Variants in NSMAF observed in about 807,000 individuals in gnomAD.
NSMAF encodes neutral sphingomyelinase activation associated factor, also known as protein FAN.
NSMAF carries 90 observed loss-of-function variants against 134.9 expected under a neutral mutation model. The ratio of observed to expected loss-of-function variants is 0.67; its 90% confidence interval spans 0.56 to 0.79. The LOEUF (loss-of-function observed/expected upper bound fraction) is 0.79, where lower values mean the gene tolerates loss of function less well. NSMAF is among the 30% of genes least tolerant of loss of function. The probability of loss-of-function intolerance (pLI) is 0.00; values close to 1 mark genes in which losing one functional copy is unlikely to be tolerated. For missense variants in NSMAF, 1,010 were observed against 1,119.0 expected (o/e 0.90, Z 1.39); for synonymous variants, 358 against 389.6 (o/e 0.92, Z 0.96).
At chr8:58,618,640 G>A (rs1312149344) in intron 9 of NSMAF, among the ~76,000 whole-genome samples, 1 of 151,998 alleles carries the variant, frequency 6.6e-6, no homozygotes, top group Non-Finnish European at 1.5e-5. Context: ...AACAATGTGA[G>A]TAGGAGCAGG....
At chr8:58,603,100 G>C in intron 13 of NSMAF, 110 bp downstream of exon 13, 1 of 1,059,374 alleles carries the variant, frequency 9.4e-7, no homozygotes, top group Non-Finnish European at 1.4e-6. Context: ...GTTGTAATTT[G>C]TTCACATGTC....
rs761727034 is a variant in NSMAF at position 58,621,479 on chromosome 8, T to C, written c.557+1741A>G. On this transcript the variant is annotated intron_variant, in intron 9 of 30. Coordinates refer to ENST00000038176, the MANE Select transcript of NSMAF (RefSeq NM_003580.4). ...TTTCCATTGGGTATATACGCAATCA[T>C]GGGACTGCTGGGTCAAATGGTAGCT... is the stretch of plus-strand genomic sequence containing the variant. Among the ~76,000 whole-genome samples, 5 of 152,340 alleles carry C rather than the reference T, an allele frequency of 3.3e-5. No individual in the cohort carries two copies. In the South Asian group the frequency reaches 6.2e-4, roughly 19 times the overall value.
intron 9 of NSMAF, among the ~76,000 whole-genome samples, chr8:58,612,613 T>C (rs1358782630): frequency 6.6e-6 from 1 of 152,158 alleles, no homozygotes; most frequent in African/African-American, 2.4e-5. Context: ...AGGTGACAAC[T>C]TGGATTTGTG....
rs563424971 is a variant in NSMAF at position 58,609,472 on chromosome 8, T to C, written c.687+132A>G. ...CGGTGTTTGTAAAATACACAGATGC[T>C]GCCTGTGAAGGGGGTGGGCAGGGAC... On this transcript the variant is annotated intron_variant, in intron 10 of 30. Transcript: ENST00000038176. 143 of 798,806 alleles carry C rather than the reference T, an allele frequency of 1.8e-4. 1 individual carries two copies. In the South Asian group the frequency reaches 2.3e-3, roughly 13 times the overall value. The allele number at this position is 798,806 out of a possible 1,614,324, so 49.5% of individuals were successfully genotyped here.
chr8:58,608,362 A>G (rs1030797304), intron 10 of NSMAF, among the ~76,000 whole-genome samples: 1 of 152,200 alleles, frequency 6.6e-6, no homozygotes, highest in African/African-American at 2.4e-5. Context: ...GAAGAAGAAA[A>G]TTGTCTTGCT....
At chr8:58,621,235 C>G (rs1806781646) in intron 9 of NSMAF, among the ~76,000 whole-genome samples, 1 of 152,158 alleles carries the variant, frequency 6.6e-6, no homozygotes, top group Admixed American at 6.6e-5. Context: ...TGCTCCAGCG[C>G]CATCCGTGGC....
At chr8:58,636,655 T>C (rs554173445) in intron 2 of NSMAF, among the ~76,000 whole-genome samples, 3 of 152,302 alleles carry the variant, frequency 2.0e-5, no homozygotes, top group Non-Finnish European at 4.4e-5. Context: ...TCACAACCAT[T>C]CAACTTTGCT....
intron 9 of NSMAF, among the ~76,000 whole-genome samples, chr8:58,610,478 G>A (rs1485620001): frequency 6.6e-6 from 1 of 152,226 alleles, no homozygotes; most frequent in African/African-American, 2.4e-5. Flanking sequence ...AAAGCTGTAA[G>A]AGACTGTTGA....
At chr8:58,615,784 C>T (rs1456846839) in intron 9 of NSMAF, among the ~76,000 whole-genome samples, 9 of 151,946 alleles carry the variant, frequency 5.9e-5, no homozygotes, top group Admixed American at 5.9e-4. Flanking sequence ...TAAGTTTAAA[C>T]CCAAAGCAAG....
In NSMAF at chr8:58,597,549, T is replaced by G; in HGVS notation, c.1630A>C (p.Ile544Leu). The G allele has an allele frequency of 6.2e-7, 1 of 1,614,020 alleles. No individual in the cohort carries two copies. The change falls in exon 21 of 31, where the codon ATC becomes CTC. Residue 544 changes from isoleucine (I) to leucine (L), a missense_variant and splice_region_variant. By Grantham distance (5) the Ile-to-Leu change is conservative. Transcript: ENST00000038176. ...GCTACCTTCTCATCAGGATCCTGGA[T>G]GCTTTGGGACAGAACACAAATAATG... ...TYEGGVDLNS[I>L]QDPDEKVAML...
intron 10 of NSMAF, 89 bp from the exon 11 acceptor site, chr8:58,607,929 A>G: frequency 2.8e-6 from 3 of 1,071,438 alleles, no homozygotes; most frequent in Non-Finnish European, 4.3e-6. Context: ...AAAAAAAATC[A>G]CCAAATCTTG....
intron 10 of NSMAF, among the ~76,000 whole-genome samples, chr8:58,609,038 T>C (rs1585739150): frequency 6.6e-6 from 1 of 152,288 alleles, no homozygotes; most frequent in South Asian, 2.1e-4. Context: ...GTCTGTGTCA[T>C]TGTGAAAGAG....
intron 2 of NSMAF, among the ~76,000 whole-genome samples, chr8:58,635,943 T>C (rs375419139): frequency 1.3e-5 from 2 of 152,320 alleles, no homozygotes; most frequent in African/African-American, 4.8e-5. Flanking sequence ...AAATATTTAC[T>C]TTGGCTTTCT....
chr8:58,607,765 T>C lies in NSMAF; in HGVS notation c.759+4A>G. ...TGCCCCAGCACAGCCTCCCAAGGAC[T>C]CACCAGAGGCATGAGGCCGTGCCTC... On this transcript the variant is annotated splice_donor_region_variant and intron_variant, in intron 11 of 30. Transcript: ENST00000038176. 1 of 1,612,266 alleles carries C rather than the reference T, an allele frequency of 6.2e-7. No homozygotes were observed.
At chr8:58,626,091 C>CTTTTTTTTT (rs1225264071) in intron 6 of NSMAF, among the ~76,000 whole-genome samples, 4 of 99,372 alleles carry the variant, frequency 4.0e-5, no homozygotes, top group Admixed American at 1.1e-4. Flanking sequence ...TTATATAATT[C>CTTTTTTTTT]TTTTTTTTTT....
chr8:58,606,101 G>A (rs1806405591), intron 11 of NSMAF, 66 bp from the exon 12 acceptor site: 2 of 1,266,324 alleles, frequency 1.6e-6, no homozygotes, highest in Non-Finnish European at 2.1e-6. Flanking sequence ...CCCAATATAA[G>A]TATATAATTA....
rs34637164 is a variant in NSMAF, at chr8:58,597,388, T to C, written c.1791A>G (p.Pro597=). 5 of 1,612,578 alleles carry C rather than the reference T, an allele frequency of 3.1e-6. No homozygotes were observed. The highest frequency in any genetic ancestry group is 4.2e-6 in the Non-Finnish European group (5 of 1,179,484). Residue 597 remains proline (P), a splice_region_variant and synonymous_variant, in exon 21 of 31, where the codon CCA becomes CCG. Coordinates refer to ENST00000038176, the MANE Select transcript of NSMAF (RefSeq NM_003580.4). ...SSYNASMADS[P]GEESFEDLTE... ...GTTTATTCTCTTTACAAAATTTACC[T>C]GGGGAATCTGCCATAGAAGCATTAT...
chr8:58,593,603 T>A (rs1480466000), intron 23 of NSMAF, among the ~76,000 whole-genome samples: 1 of 152,118 alleles, frequency 6.6e-6, no homozygotes, highest in Non-Finnish European at 1.5e-5. Context: ...GCTCTCAACA[T>A]GACAAGGCCA....
At chr8:58,653,130 GAGAGT>G (rs141916240) in intron 1 of NSMAF, among the ~76,000 whole-genome samples, 3,671 of 152,226 alleles carry the variant, frequency 0.024, 136 homozygotes, top group East Asian at 0.079. Context: ...TGGTAGAGAG[GAGAGT>G]AAAGATAATG....
Sources: allele counts gnomAD v4.1 joint callset (sites outside exome capture counted in the v4.1 genomes callset), GRCh38; gene constraint gnomAD v4.1.1; transcripts MANE v1.5; gene names NCBI Gene and HGNC (gene_info 2026-07-23, HGNC 2026-07-21).